Variants in SBF2 observed in about 807,000 individuals in gnomAD.
SBF2 encodes myotubularin-related protein 13.
A neutral mutation model predicts 225.2 loss-of-function variants in SBF2; 112 were observed. The observed-to-expected ratio is 0.50, with a 90% CI of 0.43 to 0.58. SBF2 has a LOEUF of 0.58. Ranked by LOEUF, SBF2 falls within the 20% of genes least tolerant of loss-of-function variation. SBF2 has a pLI of 0.00. For synonymous variants in SBF2, 763 were observed against 773.3 expected, an observed-to-expected ratio of 0.99 and a Z score of 0.22; for missense variants, 1,996 against 2,206.2, an observed-to-expected ratio of 0.90 and a Z score of 1.91.
intron 13 of SBF2, among the ~76,000 whole-genome samples, chr11:9,979,172 T>C (rs1946834172): frequency 1.3e-5 from 2 of 152,322 alleles, no homozygotes; most frequent in Non-Finnish European, 2.9e-5. Context: ...CTGAGCCAAT[T>C]AGCCCCACTA....
rs1473311368 is a variant in SBF2, at chr11:10,116,304, T to A, written c.142-73323A>T. 6.6e-5 allele frequency among the ~76,000 whole-genome samples: 10 copies of A among 152,240 alleles called. No individual in the cohort carries two copies. In the East Asian group the frequency reaches 1.7e-3, roughly 26 times the overall value. Reference sequence around the variant, plus strand: ...GTCTAGTTTTCTAAAAAGATTATACTGTGATACTGTTCTGAAACAGAAAGT... The same window carrying A: ...GTCTAGTTTTCTAAAAAGATTATACAGTGATACTGTTCTGAAACAGAAAGT... On this transcript the variant is annotated intron_variant, in intron 2 of 39. Transcript: ENST00000256190.
intron 2 of SBF2, among the ~76,000 whole-genome samples, chr11:10,147,844 A>T (rs774493318): frequency 1.1e-4 from 16 of 152,228 alleles, no homozygotes; most frequent in Admixed American, 3.9e-4. Flanking sequence ...CATCAGAATG[A>T]AATTAAGTAA....
chr11:9,890,028 C>T (rs1049699359), intron 17 of SBF2, among the ~76,000 whole-genome samples: 2 of 152,142 alleles, frequency 1.3e-5, no homozygotes, highest in Non-Finnish European at 2.9e-5. Context: ...CTCGGCCTCC[C>T]AAGTAACTGG....
At chr11:10,159,042 T>C (rs1955599261) in intron 2 of SBF2, among the ~76,000 whole-genome samples, 1 of 150,600 alleles carries the variant, frequency 6.6e-6, no homozygotes, top group African/African-American at 2.4e-5. Flanking sequence ...TCATATTCAA[T>C]GACAAAAAGC....
intron 2 of SBF2, among the ~76,000 whole-genome samples, chr11:10,058,421 C>T (rs1271276529): frequency 6.6e-6 from 1 of 152,040 alleles, no homozygotes; most frequent in Non-Finnish European, 1.5e-5. Flanking sequence ...AATCTCAGAA[C>T]TTGAAGACTG....
At chr11:10,282,012 A>G (rs1963440832) in intron 1 of SBF2, among the ~76,000 whole-genome samples, 1 of 152,200 alleles carries the variant, frequency 6.6e-6, no homozygotes, top group Non-Finnish European at 1.5e-5. Flanking sequence ...TGAGGTTTAT[A>G]CAGCATATGA....
intron 1 of SBF2, among the ~76,000 whole-genome samples, chr11:10,278,789 A>T (rs1289725097): frequency 3.0e-4 from 10 of 33,504 alleles, no homozygotes; most frequent in African/African-American, 9.2e-4. Flanking sequence ...CCATCTCAAT[A>T]AAAAAAAAAA....
intron 2 of SBF2, among the ~76,000 whole-genome samples, chr11:10,138,308 T>C (rs1954479897): frequency 6.6e-6 from 1 of 152,204 alleles, no homozygotes; most frequent in South Asian, 2.1e-4. Flanking sequence ...AACTCGTTGA[T>C]GACTGACTAT....
chr11:10,231,091 G>C (rs1721026043), intron 1 of SBF2, among the ~76,000 whole-genome samples: 1 of 152,000 alleles, frequency 6.6e-6, no homozygotes, highest in Non-Finnish European at 1.5e-5. Flanking sequence ...CTTTCTTCCA[G>C]TTGATCGAAT....
At chr11:10,152,549 C>CAA (rs879643809) in intron 2 of SBF2, among the ~76,000 whole-genome samples, 8 of 139,412 alleles carry the variant, frequency 5.7e-5, no homozygotes, top group African/African-American at 1.9e-4. Flanking sequence ...AACTCCATCT[C>CAA]AAAAAAAAAA....
intron 16 of SBF2, among the ~76,000 whole-genome samples, chr11:9,942,193 A>T (rs930909631): frequency 1.6e-4 from 24 of 152,060 alleles, no homozygotes; most frequent in Non-Finnish European, 3.5e-4. Flanking sequence ...TCAGCCTCTC[A>T]TGTAGCTGGG....
At chr11:10,232,194 G>A (rs565535627) in intron 1 of SBF2, among the ~76,000 whole-genome samples, 2 of 152,290 alleles carry the variant, frequency 1.3e-5, no homozygotes, top group East Asian at 3.9e-4. Context: ...CGATTTTCCA[G>A]GTGCCGTCTG....
intron 25 of SBF2, among the ~76,000 whole-genome samples, chr11:9,841,534 CT>C (rs11289335): frequency 0.81 from 115,320 of 143,108 alleles, 47,151 homozygotes; most frequent in Non-Finnish European, 0.87. Context: ...CACATAGGTT[CT>C]TTTTTTTTTT....
intron 32 of SBF2, among the ~76,000 whole-genome samples, chr11:9,805,268 C>A (rs1241045610): frequency 6.6e-6 from 1 of 151,324 alleles, no homozygotes; most frequent in African/African-American, 2.4e-5. Context: ...AAATTATATA[C>A]ATGGAATCAT....
At chr11:9,928,143 T>C (rs1565015984) in intron 16 of SBF2, among the ~76,000 whole-genome samples, 1 of 152,118 alleles carries the variant, frequency 6.6e-6, no homozygotes, top group Admixed American at 6.5e-5. Context: ...CTTCTGATCT[T>C]TAAAAGACAC....
At chr11:9,979,668 C>A (rs980013459) in intron 13 of SBF2, among the ~76,000 whole-genome samples, 2 of 152,086 alleles carry the variant, frequency 1.3e-5, no homozygotes, top group Admixed American at 6.6e-5. Context: ...TATACTTTTG[C>A]TAAACCAGTA....
chr11:9,825,917 T>G (rs1855035552), intron 28 of SBF2, among the ~76,000 whole-genome samples: 1 of 152,214 alleles, frequency 6.6e-6, no homozygotes, highest in African/African-American at 2.4e-5. Flanking sequence ...AGACTGATCT[T>G]TTTCTTCAGA....
chr11:10,193,384 T>G (rs963767731), intron 2 of SBF2, among the ~76,000 whole-genome samples: 11 of 145,476 alleles, frequency 7.6e-5, no homozygotes, highest in Admixed American at 2.1e-4. Flanking sequence ...AGAGGGAGTC[T>G]TGCTCTGTCG....
intron 2 of SBF2, chr11:10,149,411 C>G (rs982039042): frequency 6.6e-6 from 1 of 152,146 alleles, no homozygotes; most frequent in Admixed American, 6.6e-5. Flanking sequence ...TCTTTCACTC[C>G]TGTAAACCAA....
Sources: gnomAD v4.1 joint callset for allele counts (sites outside exome capture counted in the v4.1 genomes callset) on GRCh38, gnomAD v4.1.1 for gene constraint, MANE v1.5 for transcripts, NCBI Gene and HGNC (gene_info 2026-07-23, HGNC 2026-07-21) for gene names.